RPTOR: variants seen among roughly 807,000 people sequenced by gnomAD.
The protein encoded by RPTOR is regulatory associated protein of MTOR complex 1.
In RPTOR, 21 loss-of-function variants were observed where a neutral mutation model predicts 169.9. The observed-to-expected ratio is 0.12, with a 90% CI of 0.09 to 0.18. The LOEUF is 0.18. RPTOR is among the 10% of genes least tolerant of loss of function. The probability of loss-of-function intolerance (pLI) is 1.00; values close to 1 mark genes in which losing one functional copy is unlikely to be tolerated. For missense variants in RPTOR, 1,133 were observed against 1,855.9 expected, an observed-to-expected ratio of 0.61 and a Z score of 7.16; for synonymous variants, 732 against 753.2, an observed-to-expected ratio of 0.97 and a Z score of 0.46.
chr17:80,572,970 A>G (rs1044785063), intron 1 of RPTOR, among the ~76,000 whole-genome samples: 1 of 152,034 alleles, frequency 6.6e-6, no homozygotes, highest in Non-Finnish European at 1.5e-5. Flanking sequence ...AGTTTTGTAT[A>G]AACTTTGTGT....
At chr17:80,964,049 G>C (rs2069389029) in intron 33 of RPTOR, among the ~76,000 whole-genome samples, 2 of 152,280 alleles carry the variant, frequency 1.3e-5, no homozygotes, top group African/African-American at 4.8e-5. Context: ...GCAGGGCCCG[G>C]GGCAGCGCCA....
At chr17:80,859,923 C>A (rs1328835428) in intron 13 of RPTOR, among the ~76,000 whole-genome samples, 1 of 152,226 alleles carries the variant, frequency 6.6e-6, no homozygotes, top group African/African-American at 2.4e-5. Flanking sequence ...GCCGGCACCC[C>A]ACTGGGCCCC....
intron 1 of RPTOR, among the ~76,000 whole-genome samples, chr17:80,613,601 T>C (rs571798604): frequency 3.5e-4 from 52 of 148,894 alleles, no homozygotes; most frequent in African/African-American, 1.2e-3. Flanking sequence ...GGCTGGGCTG[T>C]GTGTTGTGTG....
intron 3 of RPTOR, among the ~76,000 whole-genome samples, chr17:80,668,327 A>G (rs1443155812): frequency 6.6e-6 from 1 of 152,216 alleles, no homozygotes; most frequent in Non-Finnish European, 1.5e-5. Flanking sequence ...ACAGAGTGAG[A>G]TAATTTTCAT....
chr17:80,610,504 T>C (rs2065262513), intron 1 of RPTOR, among the ~76,000 whole-genome samples: 1 of 151,930 alleles, frequency 6.6e-6, no homozygotes, highest in South Asian at 2.1e-4. Context: ...GCAGGGGGCG[T>C]TTATGAACTG....
At chr17:80,840,197 G>C (rs1244808211) in intron 10 of RPTOR, among the ~76,000 whole-genome samples, 1 of 152,154 alleles carries the variant, frequency 6.6e-6, no homozygotes, top group Non-Finnish European at 1.5e-5. Flanking sequence ...TTCCTGCCCA[G>C]TTTTGTGCTT....
intron 6 of RPTOR, among the ~76,000 whole-genome samples, chr17:80,770,760 C>T (rs114925767): frequency 4.0e-4 from 61 of 152,304 alleles, no homozygotes; most frequent in African/African-American, 1.4e-3. Context: ...TTTTGCTGTC[C>T]GCAAGATCCC....
intron 16 of RPTOR, 25 bp from the exon 17 acceptor site, chr17:80,884,983 C>T: frequency 6.2e-7 from 1 of 1,600,454 alleles, no homozygotes; most frequent in Non-Finnish European, 8.5e-7. Context: ...GTGGGACATG[C>T]CTGTGACCCC....
Position 80,726,851 on chromosome 17 carries a change from G to A in RPTOR, c.508-3709G>A, listed in dbSNP as rs561972436. Among the ~76,000 whole-genome samples, 11 of 152,312 alleles carry A rather than the reference G, an allele frequency of 7.2e-5. 1 individual carries two copies. The Middle Eastern group carries it at 0.01, about 141-fold the overall frequency. ...TGCCAAAATCCTTTCTCCTGTCAGCGTGGGGGGTGATCCTGCCCAATTAAA... is the reference window on the plus strand; with the variant it reads ...TGCCAAAATCCTTTCTCCTGTCAGCATGGGGGGTGATCCTGCCCAATTAAA... On this transcript the variant is annotated intron_variant, in intron 4 of 33. Transcript: ENST00000306801. This position sits in a 1 kb window ranked among gnomAD's most constrained non-coding sequence, Gnocchi z 4.5.
intron 1 of RPTOR, among the ~76,000 whole-genome samples, chr17:80,575,522 G>A (rs981267077): frequency 6.6e-6 from 1 of 152,234 alleles, no homozygotes. Context: ...ATGTGCGAAT[G>A]GCGCCCCCTC....
intron 5 of RPTOR, among the ~76,000 whole-genome samples, chr17:80,753,801 C>G (rs974986095): frequency 6.6e-6 from 1 of 151,986 alleles, no homozygotes; most frequent in Non-Finnish European, 1.5e-5. Context: ...ATCAGAAGGG[C>G]CTTGGGAATG....
intron 3 of RPTOR, among the ~76,000 whole-genome samples, chr17:80,665,462 C>T (rs1192479084): frequency 6.4e-5 from 2 of 31,490 alleles, no homozygotes; most frequent in African/African-American, 3.7e-4. Flanking sequence ...CCTTTCCTTT[C>T]CTTTCCTTTC....
chr17:80,797,510 G>A (rs2067112891), intron 7 of RPTOR, among the ~76,000 whole-genome samples: 1 of 152,214 alleles, frequency 6.6e-6, no homozygotes, highest in African/African-American at 2.4e-5. Context: ...AAGTGATCTT[G>A]TTAATCAAGT....
intron 13 of RPTOR, among the ~76,000 whole-genome samples, chr17:80,859,308 TGGTGCAAAG>T (rs757522011): frequency 2.0e-5 from 3 of 152,022 alleles, no homozygotes; most frequent in Non-Finnish European, 2.9e-5. Context: ...CTGTACAGAG[TGGTGCAAAG>T]GGTCTGGGAA....
chr17:80,925,816 G>A (rs1193955270), intron 24 of RPTOR, among the ~76,000 whole-genome samples: 1 of 152,216 alleles, frequency 6.6e-6, no homozygotes, highest in Non-Finnish European at 1.5e-5. Context: ...TCCGAGGTCT[G>A]GGGACTGTTA....
chr17:80,932,164 T>TAC (rs1567994934), intron 24 of RPTOR, among the ~76,000 whole-genome samples: 1 of 151,136 alleles, frequency 6.6e-6, no homozygotes, highest in Non-Finnish European at 1.5e-5. Flanking sequence ...TATATATATA[T>TAC]ACACCTTAGT....
chr17:80,751,239 G>C (rs930836490), intron 5 of RPTOR, among the ~76,000 whole-genome samples: 6 of 152,152 alleles, frequency 3.9e-5, no homozygotes, highest in Non-Finnish European at 7.3e-5. Context: ...GGCAGCTTTC[G>C]TGTTGGCGTC....
At chr17:80,905,235 G>A (rs62068487) in intron 20 of RPTOR, among the ~76,000 whole-genome samples, 37,631 of 151,614 alleles carry the variant, frequency 0.25, 5,655 homozygotes, top group Middle Eastern at 0.34. Flanking sequence ...TTCGATCTGC[G>A]GTTGGTTGAA....
intron 6 of RPTOR, among the ~76,000 whole-genome samples, chr17:80,776,321 CT>C (rs545348018): frequency 0.016 from 1,800 of 112,156 alleles, 7 homozygotes; most frequent in Middle Eastern, 0.032. Context: ...GCCAAACTTC[CT>C]TTTTTTTTTT....
Sources: gnomAD v4.1 joint callset for allele counts (sites outside exome capture counted in the v4.1 genomes callset) on GRCh38, gnomAD v4.1.1 for gene constraint, Gnocchi (gnomAD v3.1) non-coding constraint, MANE v1.5 for transcripts, NCBI Gene and HGNC (gene_info 2026-07-23, HGNC 2026-07-21) for gene names.